CELF2: variants seen among roughly 807,000 people sequenced by gnomAD.
CELF2 encodes CUGBP Elav-like family member 2.
Under a neutral mutation model 62.6 loss-of-function variants are expected in CELF2, and 8 were observed. That is an observed-to-expected ratio of 0.13 (90% CI 0.07 to 0.23). The LOEUF is 0.23. CELF2 is among the 10% of genes least tolerant of loss of function. The pLI, the probability that CELF2 is intolerant of heterozygous loss-of-function variation, is 1.00. For missense variants in CELF2, 333 were observed against 671.0 expected (o/e 0.50, Z 5.56); for synonymous variants, 258 against 250.0 (o/e 1.03, Z -0.30).
chr10:11,148,559 G>A (rs1398147234), intron 1 of CELF2, among the ~76,000 whole-genome samples: 10 of 152,154 alleles, frequency 6.6e-5, no homozygotes, highest in Non-Finnish European at 1.3e-4. Context: ...CTGGCAAGGC[G>A]ATCCACCTTT....
intron 9 of CELF2, among the ~76,000 whole-genome samples, chr10:11,299,956 A>G (rs1345424335): frequency 3.3e-5 from 5 of 152,070 alleles, no homozygotes; most frequent in Non-Finnish European, 5.9e-5. Flanking sequence ...TTTCCCTCTC[A>G]TTTGCCCCGC....
chr10:10,763,220 T>C, the CELF2 span, among the ~76,000 whole-genome samples: 1 of 152,242 alleles, frequency 6.6e-6, no homozygotes, highest in Non-Finnish European at 1.5e-5. Flanking sequence ...AATTTGTATT[T>C]ATGGAGCACC....
chr10:11,126,934 A>C, intron 1 of CELF2, among the ~76,000 whole-genome samples: 1 of 151,074 alleles, frequency 6.6e-6, no homozygotes, highest in East Asian at 1.9e-4. Flanking sequence ...TCTAGGGTAC[A>C]TGTGCACAAT....
intron 1 of CELF2, among the ~76,000 whole-genome samples, chr10:11,024,087 C>T (rs1198530758): frequency 6.6e-6 from 1 of 152,032 alleles, no homozygotes; most frequent in Admixed American, 6.5e-5. Context: ...ACTATCAGGT[C>T]GGCTTTATTA....
the CELF2 span, among the ~76,000 whole-genome samples, chr10:10,587,383 A>G: frequency 6.6e-6 from 1 of 151,460 alleles, no homozygotes; most frequent in Non-Finnish European, 1.5e-5. Flanking sequence ...ATTTGAAATC[A>G]CTCTTAGCAC....
At chr10:10,587,450 C>T in the CELF2 span, among the ~76,000 whole-genome samples, 9 of 152,126 alleles carry the variant, frequency 5.9e-5, no homozygotes, top group African/African-American at 1.7e-4. Context: ...ACAGAAGAGG[C>T]AAGTCCTTGC....
chr10:10,850,871 C>A (rs2059342652), intron 1 of CELF2, among the ~76,000 whole-genome samples: 1 of 151,524 alleles, frequency 6.6e-6, no homozygotes, highest in Admixed American at 6.6e-5. Flanking sequence ...AGTGGCGTGA[C>A]CTCAGCTCAC....
At chr10:10,588,151 C>T in the CELF2 span, among the ~76,000 whole-genome samples, 2 of 151,998 alleles carry the variant, frequency 1.3e-5, no homozygotes, top group Non-Finnish European at 2.9e-5. Context: ...TGTTTGGCAA[C>T]GGGCAGTCTC....
chr10:10,496,209 C>G, the CELF2 span, among the ~76,000 whole-genome samples: 1 of 152,200 alleles, frequency 6.6e-6, no homozygotes, highest in African/African-American at 2.4e-5. Context: ...CAATCCTGAA[C>G]TCTTATAAGC....
intron 1 of CELF2, among the ~76,000 whole-genome samples, chr10:11,091,964 A>G (rs2048443026): frequency 6.6e-6 from 1 of 152,230 alleles, no homozygotes; most frequent in African/African-American, 2.4e-5. Flanking sequence ...AAAATTTCTC[A>G]GTTATATATA....
At chr10:10,958,097 C>G (rs904534589) in intron 2 of CELF2, among the ~76,000 whole-genome samples, 1 of 152,076 alleles carries the variant, frequency 6.6e-6, no homozygotes, top group African/African-American at 2.4e-5. Context: ...AGACTAAAAG[C>G]GTGTATTGGT....
intron 1 of CELF2, among the ~76,000 whole-genome samples, chr10:10,890,057 G>T (rs1278678198): frequency 2.6e-5 from 4 of 152,030 alleles, no homozygotes; most frequent in African/African-American, 9.7e-5. Context: ...AATGAGGAGG[G>T]GTTTTTTTCC....
the CELF2 span, among the ~76,000 whole-genome samples, chr10:10,752,688 C>CAAAA: frequency 1.1e-3 from 62 of 58,460 alleles, no homozygotes; most frequent in Middle Eastern, 0.01. Context: ...GACTCCGTCT[C>CAAAA]AAAAAAAAAA....
intron 1 of CELF2, among the ~76,000 whole-genome samples, chr10:11,069,594 ATGTT>A (rs1467494291): frequency 6.6e-6 from 1 of 152,164 alleles, no homozygotes; most frequent in Non-Finnish European, 1.5e-5. Context: ...ATCTTTTAAG[ATGTT>A]TGTTTATGGA....
chr10:10,833,013 CTGTGTGTG>C (rs71378768), intron 1 of CELF2, among the ~76,000 whole-genome samples: 19,948 of 144,550 alleles, frequency 0.14, 1,492 homozygotes, highest in Non-Finnish European at 0.18. Flanking sequence ...ACAGAAAACT[CTGTGTGTG>C]TGTGTGTGTG....
chr10:10,861,716 TTA>T (rs1377257101), intron 1 of CELF2, among the ~76,000 whole-genome samples: 1 of 152,166 alleles, frequency 6.6e-6, no homozygotes, highest in Non-Finnish European at 1.5e-5. Context: ...TTAAAATTTT[TTA>T]AGTAAAAGTG....
At position 11,220,810 on chromosome 10, in the gene CELF2, G is replaced by A. The variant is rs1332125023; in HGVS notation, c.354+3303G>A. Among the ~76,000 whole-genome samples, 1 of 152,182 alleles carries A rather than the reference G, an allele frequency of 6.6e-6. No homozygotes were observed. The highest frequency in any genetic ancestry group is 6.5e-5 in the Admixed American group (1 of 15,288). On this transcript the variant is annotated intron_variant, in intron 3 of 12. Coordinates refer to ENST00000633077, the MANE Select transcript of CELF2 (RefSeq NM_001326342.2). This position sits in a 1 kb window ranked among gnomAD's most constrained non-coding sequence, Gnocchi z 4.4. ...GCTCCAGCAACAGAAGAAATTTTAG[G>A]TACAGTGCCTCATTAGTTACTGACA...
intron 2 of CELF2, among the ~76,000 whole-genome samples, chr10:10,942,978 A>G (rs1178076641): frequency 6.6e-6 from 1 of 152,204 alleles, no homozygotes. Flanking sequence ...TCAGGGCAGG[A>G]CCCACAAGTA....
the CELF2 span, among the ~76,000 whole-genome samples, chr10:10,573,915 A>G: frequency 6.6e-6 from 1 of 152,132 alleles, no homozygotes; most frequent in African/African-American, 2.4e-5. Context: ...TTATTTATAT[A>G]TTATTCTGTA....
Sources: allele counts gnomAD v4.1 joint callset (sites outside exome capture counted in the v4.1 genomes callset), GRCh38; gene constraint gnomAD v4.1.1; non-coding constraint Gnocchi (gnomAD v3.1); transcripts MANE v1.5; gene names NCBI Gene and HGNC (gene_info 2026-07-23, HGNC 2026-07-21).